The following SLCO3A1 variants were observed in gnomAD, a reference collection of about 807,000 sequenced individuals.
SLCO3A1 encodes the protein solute carrier organic anion transporter family member 3A1.
In SLCO3A1, 27 loss-of-function variants were observed where a neutral mutation model predicts 63.1. The ratio of observed to expected loss-of-function variants is 0.43; its 90% CI spans 0.32 to 0.59. The LOEUF (loss-of-function observed/expected upper bound fraction) is 0.59. Among genes scored for constraint, SLCO3A1 ranks in the 20% least tolerant of loss-of-function variants. The pLI is 0.09. For synonymous variants in SLCO3A1, 473 were observed against 409.9 expected, an observed-to-expected ratio of 1.15 and a Z score of -1.86; for missense variants, 773 against 945.8, an observed-to-expected ratio of 0.82 and a Z score of 2.40.
intron 8 of SLCO3A1, chr15:92,148,961 TA>T (rs2048268022): frequency 1.3e-5 from 2 of 152,244 alleles, no homozygotes; most frequent in African/African-American, 4.8e-5. Context: ...AGATCTCATG[TA>T]TAGGTTTTAG....
At chr15:91,992,442 A>T (rs1321957896) in intron 2 of SLCO3A1, among the ~76,000 whole-genome samples, 1 of 152,114 alleles carries the variant, frequency 6.6e-6, no homozygotes, top group Non-Finnish European at 1.5e-5. Flanking sequence ...CTTGACCCTG[A>T]CTACATGATT....
At chr15:92,084,028 T>A (rs1360531534) in intron 2 of SLCO3A1, among the ~76,000 whole-genome samples, 1 of 152,208 alleles carries the variant, frequency 6.6e-6, no homozygotes, top group Non-Finnish European at 1.5e-5. Context: ...TACGCTTGGT[T>A]TATCCTCAGT....
At chr15:91,902,526 A>G (rs1312111234) in intron 1 of SLCO3A1, among the ~76,000 whole-genome samples, 1 of 151,896 alleles carries the variant, frequency 6.6e-6, no homozygotes, top group Admixed American at 6.6e-5. Flanking sequence ...TTTGCAATCA[A>G]TATTGCTTTC....
At chr15:92,017,288 G>A (rs61295725) in intron 2 of SLCO3A1, among the ~76,000 whole-genome samples, 29,481 of 151,942 alleles carry the variant, frequency 0.19, 2,995 homozygotes, top group South Asian at 0.36. Flanking sequence ...CTGGGATTGG[G>A]GGGGGGTAGG....
intron 2 of SLCO3A1, among the ~76,000 whole-genome samples, chr15:91,983,549 C>T (rs557341189): frequency 2.7e-4 from 41 of 152,238 alleles, no homozygotes; most frequent in African/African-American, 9.6e-4. Context: ...TCCATCAGAA[C>T]GAAGCATGAG....
chr15:92,095,040 G>A (rs1211758386), intron 3 of SLCO3A1, 61 bp downstream of exon 3: 8 of 1,174,960 alleles, frequency 6.8e-6, no homozygotes, highest in East Asian at 2.3e-5. Flanking sequence ...TCATAAATGC[G>A]GCTTCAGCCT....
intron 2 of SLCO3A1, among the ~76,000 whole-genome samples, chr15:92,059,662 T>C (rs926728408): frequency 3.3e-5 from 5 of 152,054 alleles, no homozygotes; most frequent in Admixed American, 3.3e-4. Flanking sequence ...GATTTAGATA[T>C]CAAAATTCAC....
intron 10 of SLCO3A1, chr15:92,171,416 T>C (rs2048520645): frequency 5.1e-6 from 1 of 195,972 alleles, no homozygotes; most frequent in African/African-American, 2.3e-5. Flanking sequence ...AATAGAGATG[T>C]ACAGTGACAC....
chr15:92,093,149 G>T (rs991434272), intron 2 of SLCO3A1, among the ~76,000 whole-genome samples: 1 of 152,212 alleles, frequency 6.6e-6, no homozygotes, highest in Non-Finnish European at 1.5e-5. Flanking sequence ...TTGCTATAAA[G>T]AAATACCTGA....
intron 2 of SLCO3A1, among the ~76,000 whole-genome samples, chr15:91,929,040 T>C (rs1899131047): frequency 6.6e-6 from 1 of 152,180 alleles, no homozygotes; most frequent in South Asian, 2.1e-4. Flanking sequence ...AAAGACTTCA[T>C]GGATCATGGA....
intron 2 of SLCO3A1, among the ~76,000 whole-genome samples, chr15:91,995,244 G>A (rs1199333206): frequency 1.3e-5 from 2 of 152,134 alleles, no homozygotes; most frequent in Non-Finnish European, 2.9e-5. Flanking sequence ...CAGAGACCTG[G>A]GTTCAAATCC....
intron 2 of SLCO3A1, among the ~76,000 whole-genome samples, chr15:91,998,149 C>T (rs1004931000): frequency 5.3e-5 from 8 of 152,162 alleles, no homozygotes; most frequent in African/African-American, 1.7e-4. Flanking sequence ...AAGCAAAAAA[C>T]AACCTCATTA....
chr15:92,081,995 A>T (rs1230210086), intron 2 of SLCO3A1, among the ~76,000 whole-genome samples: 1 of 152,170 alleles, frequency 6.6e-6, no homozygotes, highest in Non-Finnish European at 1.5e-5. Context: ...TACTGTGTGG[A>T]TTTGGTAACA....
chr15:91,880,127 GTCCGTCCATCCATCCA>G (rs1469067696), intron 1 of SLCO3A1, among the ~76,000 whole-genome samples: 4 of 124,172 alleles, frequency 3.2e-5, no homozygotes, highest in African/African-American at 6.9e-5. Context: ...CCGTCCGTCC[GTCCGTCCATCCATCCA>G]TCCATCCATC....
At chr15:91,952,861 G>T (rs142401434) in intron 2 of SLCO3A1, among the ~76,000 whole-genome samples, 1 of 152,080 alleles carries the variant, frequency 6.6e-6, no homozygotes, top group African/African-American at 2.4e-5. Flanking sequence ...CCCATTGACC[G>T]CATCACACTG....
At chr15:92,097,060 C>G (rs936030786) in intron 3 of SLCO3A1, among the ~76,000 whole-genome samples, 1 of 152,184 alleles carries the variant, frequency 6.6e-6, no homozygotes, top group Non-Finnish European at 1.5e-5. Context: ...AGGCATACTC[C>G]TGATGCAATG....
chr15:92,151,902 A>G (rs2048310605), intron 9 of SLCO3A1, among the ~76,000 whole-genome samples: 1 of 152,254 alleles, frequency 6.6e-6, no homozygotes, highest in African/African-American at 2.4e-5. Flanking sequence ...AATGTTTGTA[A>G]AAGTGGAAAA....
intron 2 of SLCO3A1, among the ~76,000 whole-genome samples, chr15:92,071,798 C>T (rs1704069220): frequency 1.3e-5 from 2 of 152,352 alleles, no homozygotes; most frequent in South Asian, 4.1e-4. Context: ...AATCCAAAGA[C>T]TGATCACAGG....
chr15:92,127,437 T>G (rs556727430), intron 6 of SLCO3A1, among the ~76,000 whole-genome samples: 14 of 152,378 alleles, frequency 9.2e-5, no homozygotes, highest in Non-Finnish European at 5.9e-5. Context: ...GACAAGTCAC[T>G]TAACCTGGCT....
Sources: allele counts gnomAD v4.1 joint callset (sites outside exome capture counted in the v4.1 genomes callset), GRCh38; gene constraint gnomAD v4.1.1; transcripts MANE v1.5; gene names NCBI Gene and HGNC (gene_info 2026-07-23, HGNC 2026-07-21).